The following CCDC60 variants were observed in gnomAD, a reference collection of about 807,000 sequenced individuals.
CCDC60 encodes coiled-coil domain containing 60.
Under a neutral mutation model 63.5 loss-of-function variants are expected in CCDC60, and 54 were observed. That is an observed-to-expected ratio of 0.85 (90% confidence interval 0.68 to 1.07). The LOEUF (loss-of-function observed/expected upper bound fraction) is 1.07. Among genes scored for constraint, CCDC60 ranks in the 50% least tolerant of loss-of-function variants. The pLI is 0.00. For missense variants in CCDC60, 651 were observed against 684.3 expected, an observed-to-expected ratio of 0.95 and a Z score of 0.54; for synonymous variants, 206 against 238.8, an observed-to-expected ratio of 0.86 and a Z score of 1.27.
chr12:119,361,027 T>G (rs1026093468), intron 1 of CCDC60, among the ~76,000 whole-genome samples: 1 of 151,828 alleles, frequency 6.6e-6, no homozygotes, highest in Non-Finnish European at 1.5e-5. Flanking sequence ...TTGCAGGCAC[T>G]CCGCAGGCTG....
intron 2 of CCDC60, among the ~76,000 whole-genome samples, chr12:119,447,537 T>C (rs964985072): frequency 6.6e-6 from 1 of 152,160 alleles, no homozygotes; most frequent in African/African-American, 2.4e-5. Context: ...AAAGCCTCTC[T>C]CCCTGCTAAT....
At chr12:119,430,169 CACAT>C (rs1299290989) in intron 2 of CCDC60, among the ~76,000 whole-genome samples, 3 of 52,222 alleles carry the variant, frequency 5.7e-5, no homozygotes, top group Admixed American at 5.9e-4. Context: ...GCCCCTGCCA[CACAT>C]ACACACACAC....
chr12:119,508,358 G>A (rs1280258554), intron 7 of CCDC60, among the ~76,000 whole-genome samples: 1 of 151,966 alleles, frequency 6.6e-6, no homozygotes, highest in Non-Finnish European at 1.5e-5. Context: ...GCATGTGCCT[G>A]TAGTCCCAGC....
chr12:119,481,923 A>G (rs1951325473), intron 4 of CCDC60, among the ~76,000 whole-genome samples: 1 of 145,592 alleles, frequency 6.9e-6, no homozygotes, highest in Non-Finnish European at 1.5e-5. Context: ...TGCTGCAAAT[A>G]CCATAAATTC....
intron 1 of CCDC60, among the ~76,000 whole-genome samples, chr12:119,355,864 G>T (rs1467919421): frequency 1.3e-5 from 2 of 152,172 alleles, no homozygotes; most frequent in Non-Finnish European, 2.9e-5. Context: ...ACTTCCAGTT[G>T]TTGCCATGGC....
intron 7 of CCDC60, among the ~76,000 whole-genome samples, chr12:119,510,224 T>C (rs1952176755): frequency 6.6e-6 from 1 of 152,236 alleles, no homozygotes; most frequent in African/African-American, 2.4e-5. Context: ...TTTTCTCTAA[T>C]ACGTTACCTC....
At chr12:119,372,767 C>A (rs1043068191) in intron 1 of CCDC60, among the ~76,000 whole-genome samples, 2 of 152,160 alleles carry the variant, frequency 1.3e-5, no homozygotes, top group Non-Finnish European at 2.9e-5. Context: ...GCCACAATGC[C>A]TGGGCCTTAG....
chr12:119,462,791 C>CATTTATTTATTT (rs61602899), intron 2 of CCDC60, among the ~76,000 whole-genome samples: 39 of 140,800 alleles, frequency 2.8e-4, no homozygotes, highest in East Asian at 8.4e-4. Flanking sequence ...CAACTAACTT[C>CATTTATTTATTT]ATTTATTTAT....
chr12:119,505,255 G>A lies in CCDC60; in HGVS notation c.835G>A (p.Asp279Asn), dbSNP rs1214394487. The change falls in exon 7 of 14, where the codon GAC (aspartate) becomes AAC (asparagine). Residue 279 changes from aspartate to asparagine, a missense_variant. Asp to Asn is a conservative substitution (Grantham distance 23). Transcript: ENST00000327554. ...GGTGACCAGCAGCAAGGACATTGAG[G>A]ACAATGAGTCATCTTCAACCAAGCC... ...TQVTSSKDIE[D>N]NESSSTKPDE... 1 of 1,612,942 alleles carries A rather than the reference G, an allele frequency of 6.2e-7. No homozygotes were observed. Among genetic ancestry groups the A allele is most frequent in the African/African-American group, 1.3e-5 (1 of 74,918 alleles).
intron 4 of CCDC60, among the ~76,000 whole-genome samples, chr12:119,484,955 T>G (rs1951402431): frequency 6.6e-6 from 1 of 152,108 alleles, no homozygotes; most frequent in Admixed American, 6.5e-5. Flanking sequence ...AGGGAGGACA[T>G]ATTGTAGGGA....
chr12:119,467,828 G>A (rs1162198783), intron 2 of CCDC60, among the ~76,000 whole-genome samples: 1 of 152,210 alleles, frequency 6.6e-6, no homozygotes, highest in African/African-American at 2.4e-5. Flanking sequence ...AAGTTAAGAG[G>A]TTGCAAACGC....
chr12:119,411,273 A>G (rs976085219), intron 1 of CCDC60, among the ~76,000 whole-genome samples: 1 of 152,166 alleles, frequency 6.6e-6, no homozygotes, highest in Non-Finnish European at 1.5e-5. Context: ...TTTTTCCCCC[A>G]GGTATGGGAC....
At chr12:119,415,056 G>T (rs934770231) in intron 1 of CCDC60, among the ~76,000 whole-genome samples, 1 of 152,204 alleles carries the variant, frequency 6.6e-6, no homozygotes, top group East Asian at 1.9e-4. Context: ...CTGATGTGTA[G>T]CAATTCTTCA....
intron 1 of CCDC60, among the ~76,000 whole-genome samples, chr12:119,386,142 G>A (rs1956058366): frequency 6.6e-6 from 1 of 152,068 alleles, no homozygotes; most frequent in African/African-American, 2.4e-5. Flanking sequence ...TTGTTGTTTT[G>A]TTAAGGACTC....
chr12:119,507,614 A>ATATAT lies in CCDC60; in HGVS notation c.883+2312_883+2313insATATT, dbSNP rs1368858215. On this transcript the variant is annotated intron_variant, in intron 7 of 13. Coordinates refer to ENST00000327554, the MANE Select transcript of CCDC60 (RefSeq NM_178499.5). ...TACATATATATATATATATATATAT[A>ATATAT]TTTTTTTTTTTTTTTTCTAGAAACA... Among the ~76,000 whole-genome samples, 76 of 50,490 alleles carry ATATAT rather than the reference A, an allele frequency of 1.5e-3. 9 individuals are homozygous for ATATAT. Among genetic ancestry groups the ATATAT allele is most frequent in the Non-Finnish European group, 1.9e-3 (58 of 30,140 alleles). The allele number at this position is 50,490 out of a possible 152,430, so 33.1% of individuals were successfully genotyped here. A position where few individuals can be genotyped will look rare whatever the true frequency, so the allele number is the denominator to read the frequency against.
intron 13 of CCDC60, 123 bp downstream of exon 13, chr12:119,531,186 C>T (rs1952831208): frequency 1.3e-6 from 1 of 790,590 alleles, no homozygotes; most frequent in Non-Finnish European, 2.0e-6. Flanking sequence ...AGCTCATATT[C>T]TAATAGTAGA....
intron 1 of CCDC60, among the ~76,000 whole-genome samples, chr12:119,398,111 G>A (rs1409773833): frequency 4.6e-5 from 6 of 129,550 alleles, no homozygotes; most frequent in African/African-American, 1.4e-4. Context: ...GGTGTGGGGG[G>A]AGGAAGGGGT....
chr12:119,359,987 C>G (rs1444155885), intron 1 of CCDC60, among the ~76,000 whole-genome samples: 4 of 152,132 alleles, frequency 2.6e-5, no homozygotes, highest in Non-Finnish European at 5.9e-5. Flanking sequence ...CCCACCTTTC[C>G]CCCCTTTCTA....
At chr12:119,409,823 C>T (rs1956560569) in intron 1 of CCDC60, among the ~76,000 whole-genome samples, 1 of 152,016 alleles carries the variant, frequency 6.6e-6, no homozygotes, top group Non-Finnish European at 1.5e-5. Context: ...CCCTCTCTGT[C>T]TCTGTCTGTC....
Sources: allele counts gnomAD v4.1 joint callset (sites outside exome capture counted in the v4.1 genomes callset), GRCh38; gene constraint gnomAD v4.1.1; transcripts MANE v1.5; gene names NCBI Gene and HGNC (gene_info 2026-07-23, HGNC 2026-07-21).